The following PCDH11X variants were observed in gnomAD, a reference collection of about 807,000 sequenced individuals.
The protein encoded by PCDH11X is protocadherin 11 X-linked, also known as protocadherin-11 X-linked.
PCDH11X carries 18 observed loss-of-function variants against 53.3 expected under a neutral mutation model. The ratio of observed to expected loss-of-function variants is 0.34; its 90% CI spans 0.23 to 0.50. PCDH11X has a LOEUF of 0.50. Ranked by LOEUF, PCDH11X falls within the 20% of genes least tolerant of loss-of-function variation. The pLI, the probability that PCDH11X is intolerant of heterozygous loss-of-function variation, is 0.98. For synonymous variants in PCDH11X, 279 were observed against 393.3 expected (o/e 0.71, Z 3.44); for missense variants, 570 against 1,032.4 (o/e 0.55, Z 6.14).
At chrX:92,151,378 G>C (rs1351799905) in intron 6 of PCDH11X, among the ~76,000 whole-genome samples, 5 of 109,650 alleles carry the variant, frequency 4.6e-5, no homozygotes, top group Non-Finnish European at 9.5e-5. Flanking sequence ...ATTTTCAGTA[G>C]AGACAGGGTT....
At chrX:92,559,895 C>T (rs953786596) in intron 10 of PCDH11X, among the ~76,000 whole-genome samples, 10 of 110,971 alleles carry the variant, frequency 9.0e-5, no homozygotes, top group African/African-American at 1.6e-4. Flanking sequence ...AATGCAATTG[C>T]GAGGCAACTC....
chrX:92,004,728 GA>G (rs2062566710), intron 6 of PCDH11X, among the ~76,000 whole-genome samples: 1 of 98,725 alleles, frequency 1.0e-5, no homozygotes, highest in African/African-American at 3.7e-5. Context: ...CCATTGTCCT[GA>G]AATATTTTTC....
chrX:92,475,776 A>T (rs886194350), intron 10 of PCDH11X, among the ~76,000 whole-genome samples: 1 of 111,542 alleles, frequency 9.0e-6, no homozygotes, highest in Admixed American at 9.5e-5. Context: ...CTTCCTACTC[A>T]TATCTCTTTC....
At chrX:92,251,432 A>G (rs2067459328) in intron 7 of PCDH11X, among the ~76,000 whole-genome samples, 1 of 111,098 alleles carries the variant, frequency 9.0e-6, no homozygotes, top group Non-Finnish European at 1.9e-5. Flanking sequence ...ATCCAAAATG[A>G]AAAAAAGAAA....
intron 9 of PCDH11X, among the ~76,000 whole-genome samples, chrX:92,409,063 A>G (rs1040667214): frequency 9.7e-6 from 1 of 103,484 alleles, no homozygotes; most frequent in Admixed American, 1.0e-4. Flanking sequence ...TCTGAGAACT[A>G]GAGGAGGTGG....
At chrX:91,924,751 T>C (rs918851231) in intron 6 of PCDH11X, among the ~76,000 whole-genome samples, 1 of 111,115 alleles carries the variant, frequency 9.0e-6, no homozygotes, top group Non-Finnish European at 1.9e-5. Flanking sequence ...AGAAATTGAG[T>C]ACCTTTTGTT....
At chrX:92,289,324 G>A (rs2068446115) in intron 8 of PCDH11X, among the ~76,000 whole-genome samples, 1 of 110,650 alleles carries the variant, frequency 9.0e-6, no homozygotes. Flanking sequence ...ACAGCACACC[G>A]AGGTTGAATA....
At chrX:91,973,862 G>A (rs1222771146) in intron 6 of PCDH11X, among the ~76,000 whole-genome samples, 3 of 110,722 alleles carry the variant, frequency 2.7e-5, no homozygotes, top group South Asian at 3.8e-4. Flanking sequence ...TGATCCACCC[G>A]CCTTGGCCTC....
At chrX:92,501,380 G>A (rs1346056313) in intron 10 of PCDH11X, among the ~76,000 whole-genome samples, 3 of 110,966 alleles carry the variant, frequency 2.7e-5, no homozygotes, top group Non-Finnish European at 1.9e-5. Flanking sequence ...AATTCTCTGA[G>A]GCTAGCATTA....
At chrX:92,575,905 G>GTA (rs58574424) in intron 10 of PCDH11X, among the ~76,000 whole-genome samples, 389 of 25,772 alleles carry the variant, frequency 0.015, 4 homozygotes, top group Admixed American at 0.019. Flanking sequence ...TACCTGGTGT[G>GTA]TATATATATA....
At chrX:91,977,227 T>C (rs1379833279) in intron 6 of PCDH11X, among the ~76,000 whole-genome samples, 1 of 111,316 alleles carries the variant, frequency 9.0e-6, no homozygotes, top group East Asian at 2.8e-4. Context: ...AAAAAGAAAA[T>C]CACTTCTAAT....
At chrX:92,123,152 C>T (rs1455301697) in intron 6 of PCDH11X, among the ~76,000 whole-genome samples, 3 of 111,064 alleles carry the variant, frequency 2.7e-5, no homozygotes, top group Non-Finnish European at 5.7e-5. Flanking sequence ...TGCATGTTGG[C>T]CTATGTAAAC....
At chrX:92,474,973 G>A (rs1369025956) in intron 10 of PCDH11X, among the ~76,000 whole-genome samples, 3 of 104,689 alleles carry the variant, frequency 2.9e-5, no homozygotes, top group South Asian at 4.5e-4. Context: ...AGACCATCCC[G>A]GCTAAGACGG....
intron 10 of PCDH11X, among the ~76,000 whole-genome samples, chrX:92,506,922 T>G (rs2074073648): frequency 9.1e-6 from 1 of 110,205 alleles, no homozygotes; most frequent in Non-Finnish European, 1.9e-5. Flanking sequence ...TTGCAATTTA[T>G]TCCTGGTTCA....
At position 91,803,268 on chromosome X, in the gene PCDH11X, C is replaced by T. The variant is rs1427841490; in HGVS notation, c.-378-6198C>T. Among the ~76,000 whole-genome samples, 9 of 110,736 alleles carry T rather than the reference C, an allele frequency of 8.1e-5. No individual in the cohort carries two copies. The South Asian group carries it at 2.6e-3, about 33-fold the overall frequency. Reference sequence around the variant, plus strand: ...ATAGAAACATACGGAATGAAGCCTCCGTATAATTGTTTATCCCATTATCAG... The same window carrying T: ...ATAGAAACATACGGAATGAAGCCTCTGTATAATTGTTTATCCCATTATCAG... On this transcript the variant is annotated intron_variant, in intron 1 of 10. Transcript: ENST00000682573.
chrX:91,780,606 A>C (rs939282856), intron 1 of PCDH11X, among the ~76,000 whole-genome samples: 16 of 112,684 alleles, frequency 1.4e-4, no homozygotes, highest in African/African-American at 4.2e-4. Flanking sequence ...AGAACCCAGA[A>C]ACAGTTCACG....
At chrX:91,837,501 C>G (rs1228442322) in intron 5 of PCDH11X, among the ~76,000 whole-genome samples, 1 of 110,902 alleles carries the variant, frequency 9.0e-6, no homozygotes, top group African/African-American at 3.3e-5. Flanking sequence ...AGATATGGAT[C>G]ACAGTTTTAT....
chrX:92,493,524 T>G (rs1055705468), intron 10 of PCDH11X, among the ~76,000 whole-genome samples: 1 of 110,601 alleles, frequency 9.0e-6, no homozygotes, highest in African/African-American at 3.3e-5. Context: ...TGTTCATTTC[T>G]AGGTCAAAAC....
chrX:92,397,517 T>G (rs2208544), intron 9 of PCDH11X, among the ~76,000 whole-genome samples: 17,660 of 108,179 alleles, frequency 0.16, 2,138 homozygotes, highest in East Asian at 0.74. Flanking sequence ...ACCCAGGCTG[T>G]AGTGCAGTGG....
Sources: gnomAD v4.1 joint callset for allele counts (sites outside exome capture counted in the v4.1 genomes callset) on GRCh38, gnomAD v4.1.1 for gene constraint, MANE v1.5 for transcripts, NCBI Gene and HGNC (gene_info 2026-07-23, HGNC 2026-07-21) for gene names.